MAF: variants seen among roughly 807,000 people sequenced by gnomAD.
MAF encodes MAF bZIP transcription factor, also known as transcription factor Maf.
In MAF, 10 loss-of-function variants were observed where a neutral mutation model predicts 22.0. That is an observed-to-expected ratio of 0.45 (90% CI 0.28 to 0.77). The LOEUF is 0.77. Ranked by LOEUF, MAF falls within the 30% of genes least tolerant of loss-of-function variation. MAF has a pLI of 0.12. For missense variants in MAF, 544 were observed against 548.4 expected (o/e 0.99, Z 0.08); for synonymous variants, 337 against 255.8 (o/e 1.32, Z -3.03).
chr16:79,504,144 A>T, the MAF span, among the ~76,000 whole-genome samples: 3 of 152,206 alleles, frequency 2.0e-5, no homozygotes, highest in African/African-American at 7.2e-5. Flanking sequence ...TGTTTGGGCC[A>T]TCTTAACTTG....
the MAF span, among the ~76,000 whole-genome samples, chr16:79,409,943 C>G: frequency 6.6e-6 from 1 of 152,180 alleles, no homozygotes; most frequent in African/African-American, 2.4e-5. Flanking sequence ...TTAAAGTGAA[C>G]TAAATATGGC....
chr16:79,331,980 A>G, the MAF span, among the ~76,000 whole-genome samples: 1 of 152,220 alleles, frequency 6.6e-6, no homozygotes, highest in Non-Finnish European at 1.5e-5. Context: ...TTGACTTTCC[A>G]TAGACGTAAA....
chr16:79,460,135 T>C, the MAF span, among the ~76,000 whole-genome samples: 3 of 152,034 alleles, frequency 2.0e-5, no homozygotes, highest in Admixed American at 2.0e-4. Context: ...TTCGAAAGTG[T>C]TGCAAATATT....
the MAF span, among the ~76,000 whole-genome samples, chr16:79,521,757 C>T: frequency 6.6e-6 from 1 of 152,188 alleles, no homozygotes; most frequent in Non-Finnish European, 1.5e-5. Flanking sequence ...TTCAATAGGA[C>T]AGCTCATTTC....
At chr16:79,543,690 C>CTTT in the MAF span, among the ~76,000 whole-genome samples, 1 of 116,644 alleles carries the variant, frequency 8.6e-6, no homozygotes, top group Non-Finnish European at 1.8e-5. Flanking sequence ...TTTTTTTTTT[C>CTTT]TTTTTTTTTT....
At chr16:79,555,131 T>G in the MAF span, among the ~76,000 whole-genome samples, 2 of 152,210 alleles carry the variant, frequency 1.3e-5, no homozygotes, top group African/African-American at 4.8e-5. Context: ...ACTGGCAGTG[T>G]CTACTGTGAG....
the MAF span, among the ~76,000 whole-genome samples, chr16:79,384,359 C>T: frequency 6.6e-6 from 1 of 150,842 alleles, no homozygotes; most frequent in Non-Finnish European, 1.5e-5. Context: ...GCAGGAGAAT[C>T]GCCTGAACCT....
chr16:79,244,231 G>A, the MAF span, among the ~76,000 whole-genome samples: 1 of 151,994 alleles, frequency 6.6e-6, no homozygotes, highest in Non-Finnish European at 1.5e-5. Context: ...TCAGACAAGA[G>A]AAAGAAATAA....
At chr16:79,546,395 T>C in the MAF span, among the ~76,000 whole-genome samples, 2 of 152,204 alleles carry the variant, frequency 1.3e-5, no homozygotes, top group African/African-American at 2.4e-5. Flanking sequence ...TGCCACTTTT[T>C]ATGAATGAGT....
At chr16:79,596,758 T>C (rs1286609713) in intron 1 of MAF, 2 of 1,046,074 alleles carry the variant, frequency 1.9e-6, no homozygotes, top group Non-Finnish European at 2.3e-6. Context: ...GGATTTTTTT[T>C]TAAGTTACAG....
the MAF span, among the ~76,000 whole-genome samples, chr16:79,338,516 T>A: frequency 6.6e-6 from 1 of 152,128 alleles, no homozygotes; most frequent in Non-Finnish European, 1.5e-5. Context: ...GTTAAAGATA[T>A]CCAATGAGAA....
At chr16:79,231,935 A>G in the MAF span, among the ~76,000 whole-genome samples, 1 of 152,062 alleles carries the variant, frequency 6.6e-6, no homozygotes, top group Non-Finnish European at 1.5e-5. Context: ...AAGCAGTGAC[A>G]GATCATCATG....
chr16:79,528,105 G>A, the MAF span, among the ~76,000 whole-genome samples: 2 of 152,142 alleles, frequency 1.3e-5, no homozygotes, highest in South Asian at 2.1e-4. Context: ...TTATGCCATT[G>A]CATGCCAGCC....
chr16:79,331,824 ATGCTCCTC>A, the MAF span, among the ~76,000 whole-genome samples: 1 of 152,044 alleles, frequency 6.6e-6, no homozygotes, highest in Non-Finnish European at 1.5e-5. Context: ...TTTGCCTAGA[ATGCTCCTC>A]CTCAGATGCC....
the MAF span, among the ~76,000 whole-genome samples, chr16:79,287,711 A>C: frequency 1.8e-4 from 27 of 152,110 alleles, no homozygotes; most frequent in Non-Finnish European, 3.4e-4. Flanking sequence ...TCATTCACTC[A>C]TTCATTTATT....
chr16:79,328,593 C>A, the MAF span, among the ~76,000 whole-genome samples: 1 of 152,172 alleles, frequency 6.6e-6, no homozygotes, highest in Non-Finnish European at 1.5e-5. Context: ...TCCCTCGAGC[C>A]GAGCTGGCAC....
chr16:79,208,367 A>T, the MAF span, among the ~76,000 whole-genome samples: 1 of 132,564 alleles, frequency 7.5e-6, no homozygotes, highest in East Asian at 2.0e-4. Flanking sequence ...GGCTTCTGAT[A>T]AATGATTGAT....
intron 1 of MAF, chr16:79,594,792 T>A (rs1913416033): frequency 7.6e-7 from 1 of 1,310,494 alleles, no homozygotes; most frequent in Non-Finnish European, 9.8e-7. Flanking sequence ...AAATGCCTTT[T>A]ACTAGGAGTT....
At chr16:79,476,500 T>C in the MAF span, among the ~76,000 whole-genome samples, 50 of 152,350 alleles carry the variant, frequency 3.3e-4, no homozygotes, top group East Asian at 9.1e-3. Context: ...AGTGCATTTC[T>C]TAAGATTGGG....
Sources: allele counts gnomAD v4.1 joint callset (sites outside exome capture counted in the v4.1 genomes callset), GRCh38; gene constraint gnomAD v4.1.1; transcripts MANE v1.5; gene names NCBI Gene and HGNC (gene_info 2026-07-23, HGNC 2026-07-21).